Variants in CDK6 observed in about 807,000 individuals in gnomAD.
The protein encoded by CDK6 is cyclin-dependent kinase 6.
In CDK6, 6 loss-of-function variants were observed where a neutral mutation model predicts 37.1. That is an observed-to-expected ratio of 0.16 (90% CI 0.09 to 0.32). The LOEUF (loss-of-function observed/expected upper bound fraction) is 0.32, where lower values mean the gene tolerates loss of function less well. Ranked by LOEUF, CDK6 falls within the 10% of genes least tolerant of loss-of-function variation. The probability of loss-of-function intolerance (pLI) is 1.00; values close to 1 mark genes in which losing one functional copy is unlikely to be tolerated. For missense variants in CDK6, 224 were observed against 418.9 expected (o/e 0.53, Z 4.06); for synonymous variants, 160 against 161.3 (o/e 0.99, Z 0.06).
At chr7:92,783,543 T>C (rs776119587) in intron 2 of CDK6, among the ~76,000 whole-genome samples, 2 of 152,230 alleles carry the variant, frequency 1.3e-5, no homozygotes, top group Admixed American at 6.6e-5. Context: ...TCATTGTTTA[T>C]CTTCTTTCCA....
intron 3 of CDK6, among the ~76,000 whole-genome samples, chr7:92,745,917 T>C (rs2115655303): frequency 6.6e-6 from 1 of 152,318 alleles, no homozygotes; most frequent in Admixed American, 6.5e-5. Context: ...CTAATCTTAG[T>C]CTCTTCCAAA....
At chr7:92,725,856 C>A (rs2116711203) in intron 3 of CDK6, 63 bp from the exon 4 acceptor site, 1 of 1,467,664 alleles carries the variant, frequency 6.8e-7, no homozygotes, top group Non-Finnish European at 9.4e-7. Flanking sequence ...ATTTGCTATG[C>A]TGGACGCCGA....
chr7:92,793,169 T>C (rs1800324310), intron 2 of CDK6, among the ~76,000 whole-genome samples: 1 of 152,040 alleles, frequency 6.6e-6, no homozygotes, highest in Non-Finnish European at 1.5e-5. Flanking sequence ...TAAGAGGCAA[T>C]ACTCCCCAAA....
At position 92,607,208 on chromosome 7, in the gene CDK6, TG is replaced by T. The variant is rs745602472; in HGVS notation, c.*7931del. 18 of 233,654 alleles carry T rather than the reference TG, an allele frequency of 7.7e-5. No individual in the cohort carries two copies. Among genetic ancestry groups the T allele is most frequent in the Admixed American group, 6.2e-4 (11 of 17,784 alleles). 14.5% of individuals were successfully genotyped at this position (233,654 alleles called of 1,614,324 possible). A position where few individuals can be genotyped will look rare whatever the true frequency, so the allele number is the denominator to read the frequency against. Reference sequence around the variant, plus strand: ...TACTGCCTGTTCCCACTACTCCACATGACACCTACGAGGGCACTACATCACG... The same window carrying T: ...TACTGCCTGTTCCCACTACTCCACATACACCTACGAGGGCACTACATCACG... On this transcript the variant is annotated 3_prime_UTR_variant, in exon 8 of 8. Transcript: ENST00000424848.
chr7:92,648,783 AC>A (rs1276590620), intron 5 of CDK6, among the ~76,000 whole-genome samples: 114 of 152,360 alleles, frequency 7.5e-4, no homozygotes, highest in African/African-American at 2.5e-3. Context: ...CCTAACAAGG[AC>A]CATTTTTAAT....
At chr7:92,736,953 T>C (rs1227338542) in intron 3 of CDK6, among the ~76,000 whole-genome samples, 1 of 152,248 alleles carries the variant, frequency 6.6e-6, no homozygotes, top group East Asian at 1.9e-4. Flanking sequence ...GGCCCATCTT[T>C]GGAGAGCTCC....
chr7:92,689,245 C>T (rs1324569251), intron 4 of CDK6, among the ~76,000 whole-genome samples: 3 of 152,110 alleles, frequency 2.0e-5, no homozygotes, highest in South Asian at 4.1e-4. Flanking sequence ...TTTCCTTCTT[C>T]GCACCCTCCA....
intron 2 of CDK6, among the ~76,000 whole-genome samples, chr7:92,786,300 C>T (rs942314456): frequency 7.9e-5 from 12 of 152,140 alleles, no homozygotes; most frequent in Non-Finnish European, 1.5e-4. Context: ...TAATCACATC[C>T]TTAATAGGTG....
At chr7:92,699,804 G>A (rs1407223946) in intron 4 of CDK6, among the ~76,000 whole-genome samples, 2 of 152,194 alleles carry the variant, frequency 1.3e-5, no homozygotes, top group African/African-American at 4.8e-5. Flanking sequence ...AGCTCTGTGC[G>A]AGGTAGACGT....
chr7:92,828,776 G>A (rs1801399246), intron 2 of CDK6, among the ~76,000 whole-genome samples: 1 of 151,960 alleles, frequency 6.6e-6, no homozygotes, highest in Non-Finnish European at 1.5e-5. Flanking sequence ...GTATAAAAGG[G>A]ATATAACTGC....
rs1795638675 is a variant in CDK6, at chr7:92,614,839, T to C, written c.*301A>G. The C allele has an allele frequency of 2.6e-6, 1 of 386,480 alleles. No homozygotes were observed. 23.9% of individuals were successfully genotyped at this position (386,480 alleles called of 1,614,324 possible). The stretch of plus-strand genomic sequence containing the variant: ...ACTCCACACTGGCAGCATTCAAGGT[T>C]AGAAAAATCAAATGGCAGCACAATT... On this transcript the variant is annotated 3_prime_UTR_variant, in exon 8 of 8. Transcript: ENST00000424848.
At chr7:92,792,102 G>A (rs1800299367) in intron 2 of CDK6, among the ~76,000 whole-genome samples, 2 of 152,222 alleles carry the variant, frequency 1.3e-5, no homozygotes, top group Non-Finnish European at 2.9e-5. Context: ...AGGAAAACAA[G>A]TAGGAAGTGT....
At chr7:92,618,248 T>C (rs780700721) in intron 6 of CDK6, 41 bp from the exon 7 acceptor site, 18 of 1,599,190 alleles carry the variant, frequency 1.1e-5, no homozygotes, top group African/African-American at 5.4e-5. Flanking sequence ...TTAGCTACTA[T>C]GCAGAAGCTG....
intron 2 of CDK6, among the ~76,000 whole-genome samples, chr7:92,816,389 A>G (rs1306712755): frequency 6.6e-6 from 1 of 152,204 alleles, no homozygotes; most frequent in Non-Finnish European, 1.5e-5. Context: ...AAATGGAACA[A>G]GTACCAAGAT....
intron 2 of CDK6, among the ~76,000 whole-genome samples, chr7:92,820,399 T>C (rs1286801089): frequency 6.6e-6 from 1 of 152,084 alleles, no homozygotes; most frequent in Non-Finnish European, 1.5e-5. Flanking sequence ...GTAAGCACTG[T>C]TTACCAGTGT....
chr7:92,720,165 AGTT>A (rs1798333412), intron 4 of CDK6, among the ~76,000 whole-genome samples: 1 of 152,206 alleles, frequency 6.6e-6, no homozygotes, highest in Admixed American at 6.5e-5. Context: ...GGCATGAGCT[AGTT>A]GTCTGTTTTT....
chr7:92,664,064 C>A (rs1796899899), intron 5 of CDK6, among the ~76,000 whole-genome samples: 1 of 151,974 alleles, frequency 6.6e-6, no homozygotes, highest in Non-Finnish European at 1.5e-5. Flanking sequence ...TGGTGTGAAC[C>A]CGGGAGGCGG....
intron 3 of CDK6, among the ~76,000 whole-genome samples, chr7:92,726,159 C>T (rs554691787): frequency 1.3e-5 from 2 of 151,958 alleles, no homozygotes; most frequent in Admixed American, 6.6e-5. Context: ...GTTTAATGTG[C>T]CATTTCAACA....
intron 4 of CDK6, among the ~76,000 whole-genome samples, chr7:92,719,660 T>C (rs1798320660): frequency 1.3e-5 from 2 of 152,174 alleles, no homozygotes; most frequent in Non-Finnish European, 2.9e-5. Context: ...ACAGGTGTGT[T>C]TGGCACAGGC....
Sources: allele counts gnomAD v4.1 joint callset (sites outside exome capture counted in the v4.1 genomes callset), GRCh38; gene constraint gnomAD v4.1.1; transcripts MANE v1.5; gene names NCBI Gene and HGNC (gene_info 2026-07-23, HGNC 2026-07-21).